The following YEATS2 variants were observed in gnomAD, a reference collection of about 807,000 sequenced individuals.
YEATS2 encodes the protein YEATS domain-containing protein 2.
Under a neutral mutation model 163.2 loss-of-function variants are expected in YEATS2, and 77 were observed. That is an observed-to-expected ratio of 0.47 (90% CI 0.39 to 0.57). The LOEUF (loss-of-function observed/expected upper bound fraction) is 0.57, where lower values mean the gene tolerates loss of function less well. Ranked by LOEUF, YEATS2 falls within the 20% of genes least tolerant of loss-of-function variation. The probability of loss-of-function intolerance (pLI) is 0.00; values close to 1 mark genes in which losing one functional copy is unlikely to be tolerated. For synonymous variants in YEATS2, 631 were observed against 645.1 expected, an observed-to-expected ratio of 0.98 and a Z score of 0.33; for missense variants, 1,549 against 1,729.8, an observed-to-expected ratio of 0.90 and a Z score of 1.85.
At chr3:183,701,674 A>G (rs1658170062) in intron 1 of YEATS2, among the ~76,000 whole-genome samples, 1 of 152,194 alleles carries the variant, frequency 6.6e-6, no homozygotes, top group South Asian at 2.1e-4. Context: ...GATTACAGGC[A>G]CATGAGCCAC....
At chr3:183,770,352 G>T (rs1722333028) in intron 15 of YEATS2, among the ~76,000 whole-genome samples, 1 of 151,656 alleles carries the variant, frequency 6.6e-6, no homozygotes. Flanking sequence ...CCACTTCCTG[G>T]GTGACAGAGC....
chr3:183,752,014 T>G, intron 9 of YEATS2, 59 bp from the exon 10 acceptor site: 637 of 1,579,870 alleles, frequency 4.0e-4, no homozygotes, highest in Non-Finnish European at 5.0e-4. Context: ...GGACGGGACT[T>G]GAGCTTTCTG....
At chr3:183,810,103 C>T (rs1008326991) in intron 30 of YEATS2, 3 of 206,282 alleles carry the variant, frequency 1.5e-5, no homozygotes, top group Admixed American at 5.6e-5. Context: ...TGGCGTGGCT[C>T]CGTCTCCCGT....
intron 9 of YEATS2, among the ~76,000 whole-genome samples, chr3:183,748,288 T>C (rs1577104794): frequency 1.4e-5 from 2 of 138,746 alleles, no homozygotes; most frequent in African/African-American, 5.5e-5. Flanking sequence ...GGAGTGACGC[T>C]CTGTTGCCCA....
At chr3:183,786,500 G>A (rs562070641) in intron 20 of YEATS2, among the ~76,000 whole-genome samples, 199 bp downstream of exon 20, 1 of 152,042 alleles carries the variant, frequency 6.6e-6, no homozygotes, top group African/African-American at 2.4e-5. Flanking sequence ...TCACATGGTT[G>A]TGCAACTGTG....
intron 15 of YEATS2, among the ~76,000 whole-genome samples, chr3:183,764,838 C>T (rs142916685): frequency 5.9e-5 from 9 of 152,116 alleles, no homozygotes; most frequent in Admixed American, 5.9e-4. Context: ...GTGGTGTTAT[C>T]GGTGGTTCTA....
chr3:183,744,472 A>C (rs1207155045), intron 8 of YEATS2, among the ~76,000 whole-genome samples: 1 of 152,170 alleles, frequency 6.6e-6, no homozygotes, highest in South Asian at 2.1e-4. Context: ...CTTATGTTGC[A>C]CTGGGCTCAG....
chr3:183,736,677 A>C, intron 7 of YEATS2, 41 bp from the exon 8 acceptor site: 1 of 1,508,634 alleles, frequency 6.6e-7, no homozygotes, highest in South Asian at 1.2e-5. Flanking sequence ...AGGATGAGAG[A>C]GTGAACATGG....
intron 1 of YEATS2, among the ~76,000 whole-genome samples, chr3:183,711,959 A>G (rs1406072602): frequency 6.6e-6 from 1 of 151,310 alleles, no homozygotes; most frequent in Non-Finnish European, 1.5e-5. Context: ...AGCTGGGATT[A>G]CAGGCTCACA....
intron 20 of YEATS2, among the ~76,000 whole-genome samples, chr3:183,788,489 C>A (rs1724279203): frequency 1.3e-5 from 2 of 152,182 alleles, no homozygotes; most frequent in South Asian, 4.1e-4. Flanking sequence ...TTCATTCTTT[C>A]TTATAACGGA....
At chr3:183,737,775 C>T (rs760923123) in intron 8 of YEATS2, among the ~76,000 whole-genome samples, 1 of 152,112 alleles carries the variant, frequency 6.6e-6, no homozygotes, top group East Asian at 1.9e-4. Context: ...TGTCTTTCCA[C>T]GGGGAGAACT....
At chr3:183,777,784 C>T in intron 19 of YEATS2, 84 bp downstream of exon 19, 1 of 1,478,728 alleles carries the variant, frequency 6.8e-7, no homozygotes, top group Non-Finnish European at 9.1e-7. Context: ...TCTCTTTTCA[C>T]AAAGAAATTA....
rs1726545189 is a variant in YEATS2, at chr3:183,809,231, G to A, written c.4160+61G>A. The A allele has an allele frequency of 5.8e-6, 9 of 1,545,160 alleles. No homozygotes were observed. In the South Asian group the frequency reaches 1.0e-4, roughly 17 times the overall value. On this transcript the variant is annotated intron_variant, in intron 30 of 30. Transcript: ENST00000305135. ...ACACCTCTTTCCTAACAGTTGAATTGCCCATGAAGGTGTTTTATACTTACA... is the reference window on the plus strand; with the variant it reads ...ACACCTCTTTCCTAACAGTTGAATTACCCATGAAGGTGTTTTATACTTACA...
intron 30 of YEATS2, 161 bp downstream of exon 30, chr3:183,809,331 T>C: frequency 1.5e-6 from 1 of 666,568 alleles, no homozygotes; most frequent in South Asian, 1.9e-5. Context: ...TGCTTTGTCA[T>C]TTTTAGAGAA....
At chr3:183,715,012 C>A (rs558182587) in intron 1 of YEATS2, 132 bp from the exon 2 acceptor site, 2 of 542,520 alleles carry the variant, frequency 3.7e-6, no homozygotes, top group Non-Finnish European at 6.6e-6. Flanking sequence ...TTGCAAGTAC[C>A]AGTATTAATG....
intron 23 of YEATS2, among the ~76,000 whole-genome samples, chr3:183,800,128 G>A (rs904325545): frequency 7.9e-5 from 12 of 152,232 alleles, no homozygotes; most frequent in Admixed American, 3.3e-4. Context: ...CACCGCGCCC[G>A]GCCCAGAGTA....
intron 4 of YEATS2, 32 bp downstream of exon 4, chr3:183,718,624 G>A (rs1009438881): frequency 1.1e-5 from 17 of 1,524,754 alleles, no homozygotes; most frequent in African/African-American, 2.8e-5. Flanking sequence ...TCATTTTCCA[G>A]CCACTCATAT....
At chr3:183,707,286 A>T (rs1030820731) in intron 1 of YEATS2, among the ~76,000 whole-genome samples, 3 of 152,292 alleles carry the variant, frequency 2.0e-5, no homozygotes. Context: ...CTATAGATTA[A>T]TTTGTCTCTT....
At position 183,756,675 on chromosome 3, in the gene YEATS2, C is replaced by A. The variant is rs1720806387; in HGVS notation, c.1538C>A (p.Thr513Asn). The change falls in exon 12 of 31, where the codon ACC (threonine) becomes AAC (asparagine). Residue 513 changes from threonine to asparagine, a missense_variant. Physicochemically the swap from Thr to Asn is moderately conservative, Grantham distance 65. Coordinates refer to ENST00000305135, the MANE Select transcript of YEATS2 (RefSeq NM_018023.5). Reference sequence around the variant, plus strand: ...CAGCCGGGGCAGGTGATTGGAGCCACCACTCCCAGTACAGGTGTGTATTAG... The same window carrying A: ...CAGCCGGGGCAGGTGATTGGAGCCAACACTCCCAGTACAGGTGTGTATTAG... ...DKQPGQVIGA[T>N]TPSTGSPTNK... 3 of 1,585,518 alleles carry A rather than the reference C, an allele frequency of 1.9e-6. No homozygotes were observed. Among genetic ancestry groups the A allele is most frequent in the Non-Finnish European group, 2.6e-6 (3 of 1,165,730 alleles).
Sources: allele counts gnomAD v4.1 joint callset (sites outside exome capture counted in the v4.1 genomes callset), GRCh38; gene constraint gnomAD v4.1.1; transcripts MANE v1.5; gene names NCBI Gene and HGNC (gene_info 2026-07-23, HGNC 2026-07-21).